The following OSGEPL1 variants were observed in gnomAD, a reference collection of about 807,000 sequenced individuals.
OSGEPL1 encodes tRNA N6-adenosine threonylcarbamoyltransferase, mitochondrial.
In OSGEPL1, 26 loss-of-function variants were observed where a neutral mutation model predicts 37.2. The observed-to-expected ratio is 0.70, with a 90% CI of 0.51 to 0.97. The LOEUF is 0.97. Among genes scored for constraint, OSGEPL1 ranks in the 50% least tolerant of loss-of-function variants. OSGEPL1 has a pLI of 0.00. For missense variants in OSGEPL1, 404 were observed against 487.0 expected (o/e 0.83, Z 1.60); for synonymous variants, 140 against 159.9 (o/e 0.88, Z 0.94).
At position 189,755,385 on chromosome 2, in the gene OSGEPL1, G is replaced by A. The variant is rs1006444007; in HGVS notation, c.397C>T (p.Gln133Ter). ...GGCTTTTTTAACTGTCCTACCAGCT[G>A]TAAGCTAAATGATAAGCCCACTCCC... ...SLGVGLSFSL[Q>*]LVGQLKKPFI... The change falls in exon 3 of 9, where the codon CAG becomes TAG. Residue 133 changes from glutamine (Q) to a stop codon, truncating the protein, a stop_gained. Coordinates refer to ENST00000264151, the MANE Select transcript of OSGEPL1 (RefSeq NM_022353.3). LOFTEE classifies it high-confidence loss of function. 3.7e-6 allele frequency: 6 copies of A among 1,613,168 alleles called. No individual in the cohort carries two copies. The Admixed American group carries it at 8.4e-5, about 22-fold the overall frequency.
At chr2:189,757,986 A>G (rs768233422) in intron 2 of OSGEPL1, among the ~76,000 whole-genome samples, 10 of 152,180 alleles carry the variant, frequency 6.6e-5, no homozygotes, top group Admixed American at 2.0e-4. Flanking sequence ...GTAATTCCCA[A>G]TGTTGAAGAT....
At chr2:189,756,343 T>C (rs2046082250) in intron 2 of OSGEPL1, among the ~76,000 whole-genome samples, 1 of 152,130 alleles carries the variant, frequency 6.6e-6, no homozygotes, top group African/African-American at 2.4e-5. Context: ...TTTGCTACCA[T>C]GTGATTGATT....
At chr2:189,756,409 CA>C (rs748617119) in intron 2 of OSGEPL1, among the ~76,000 whole-genome samples, 1 of 150,578 alleles carries the variant, frequency 6.6e-6, no homozygotes, top group Admixed American at 6.6e-5. Context: ...CTGCTAGTTT[CA>C]AAAAAAAATC....
intron 7 of OSGEPL1, among the ~76,000 whole-genome samples, chr2:189,751,823 T>A (rs1462375619): frequency 7.6e-5 from 1 of 13,152 alleles, no homozygotes; most frequent in Non-Finnish European, 2.1e-4. Context: ...TCTTTTACTA[T>A]TCCAGAATTA....
At position 189,762,714 on chromosome 2, in the gene OSGEPL1, T is replaced by C. The variant is rs940407854; in HGVS notation, c.-50A>G. ...CACTTGGGCGGCAGTAGCTAGCACT[T>C]GTCTCCTTTCCCTACTAAAGACTGT... On this transcript the variant is annotated 5_prime_UTR_variant, in exon 1 of 9. Coordinates refer to ENST00000264151, the MANE Select transcript of OSGEPL1 (RefSeq NM_022353.3). 7 of 985,268 alleles carry C rather than the reference T, an allele frequency of 7.1e-6. No homozygotes were observed. Among genetic ancestry groups the C allele is most frequent in the African/African-American group, 1.7e-5 (1 of 57,204 alleles). 61.0% of individuals were successfully genotyped at this position (985,268 alleles called of 1,614,324 possible).
At chr2:189,752,504 C>G (rs2045424289) in intron 7 of OSGEPL1, 149 bp downstream of exon 7, 16 of 719,498 alleles carry the variant, frequency 2.2e-5, no homozygotes, top group Non-Finnish European at 3.4e-5. Context: ...CATATGGTAT[C>G]AACCTTAACT....
chr2:189,754,310 C>T lies in OSGEPL1; in HGVS notation c.645G>A (p.Glu215=). The T allele has an allele frequency of 3.1e-6, 5 of 1,611,158 alleles. No homozygotes were observed. The highest frequency in any genetic ancestry group is 2.2e-5 in the East Asian group (1 of 44,838). ...CTTTCCCACCACTCATGGTGGAGCA[C>T]TCTGGATGTTTTATTAAAGAAAGTC... is the stretch of plus-strand genomic sequence containing the variant. ...ARRLSLIKHP[E]CSTMSGGKAI... The change falls in exon 4 of 9, where the codon GAG becomes GAA. Residue 215 remains glutamate, a synonymous_variant. Coordinates refer to ENST00000264151, the MANE Select transcript of OSGEPL1 (RefSeq NM_022353.3).
At chr2:189,753,214 T>C (rs1385547641) in intron 5 of OSGEPL1, 5 of 269,840 alleles carry the variant, frequency 1.9e-5, no homozygotes, top group Non-Finnish European at 2.8e-5. Context: ...CAACCTTTCA[T>C]CTAAATATTT....
chr2:189,751,602 G>A (rs1364263246), intron 7 of OSGEPL1, among the ~76,000 whole-genome samples: 1 of 151,312 alleles, frequency 6.6e-6, no homozygotes, highest in African/African-American at 2.4e-5. Flanking sequence ...CTGCCACTAC[G>A]CCTGGCTAAT....
At position 189,755,542 on chromosome 2, in the gene OSGEPL1, AG is replaced by A. The variant is rs1201580778; in HGVS notation, c.239del (p.Pro80LeufsTer15). On this transcript the variant is annotated frameshift_variant, in exon 3 of 9. Transcript: ENST00000264151. LOFTEE classifies it high-confidence loss of function. ...CTCTGTGAAGCTGTTGAGCTGCTGG[AG>A]GAACAATCCCACCTGTTCTGAAAGA... ...EVHLKTGGIV[P>X]PAAQQLHREN... The A allele has an allele frequency of 1.3e-6, 2 of 1,598,956 alleles. No homozygotes were observed. The highest frequency in any genetic ancestry group is 3.6e-5 in the Admixed American group (2 of 54,908).
At chr2:189,754,501 A>C in intron 3 of OSGEPL1, 156 bp from the exon 4 acceptor site, 1 of 664,380 alleles carries the variant, frequency 1.5e-6, no homozygotes, top group Non-Finnish European at 2.5e-6. Flanking sequence ...GCTGATATTC[A>C]GGTAAGCAGA....
upstream of OSGEPL1, chr2:189,762,905 C>G: frequency 1.0e-6 from 1 of 985,390 alleles, no homozygotes; most frequent in African/African-American, 1.7e-5. Flanking sequence ...GCTCTCTGTG[C>G]GCACCTGCAT....
chr2:189,752,541 T>C, intron 7 of OSGEPL1, 112 bp downstream of exon 7: 1 of 990,552 alleles, frequency 1.0e-6, no homozygotes, highest in South Asian at 1.5e-5. Flanking sequence ...TTTATGTAAC[T>C]TTCCTTCAAG....
At chr2:189,748,543 A>G (rs1391328758) in intron 8 of OSGEPL1, among the ~76,000 whole-genome samples, 1 of 152,118 alleles carries the variant, frequency 6.6e-6, no homozygotes, top group Non-Finnish European at 1.5e-5. Context: ...AAAATAAGAG[A>G]CCTCTTTAAT....
In OSGEPL1 at chr2:189,750,678, C is replaced by T. The variant is rs373631423; in HGVS notation, c.1167-22G>A. ...ACATCTACATCATAAGCAGACAAATCGTATTATTTATTTGCTTCATGATCC... is the reference window on the plus strand; with the variant it reads ...ACATCTACATCATAAGCAGACAAATTGTATTATTTATTTGCTTCATGATCC... On this transcript the variant is annotated intron_variant, in intron 7 of 8. Coordinates refer to ENST00000264151, the MANE Select transcript of OSGEPL1 (RefSeq NM_022353.3). The T allele has an allele frequency of 5.3e-5, 81 of 1,541,842 alleles. No individual in the cohort carries two copies. The Admixed American group carries it at 7.3e-4, about 14-fold the overall frequency.
chr2:189,752,528 A>T, intron 7 of OSGEPL1, 125 bp downstream of exon 7: 2 of 882,156 alleles, frequency 2.3e-6, no homozygotes, highest in East Asian at 2.5e-5. Context: ...TTCATGAAAG[A>T]AATTTATGTA....
chr2:189,757,212 A>C (rs1230429549), intron 2 of OSGEPL1, among the ~76,000 whole-genome samples: 1 of 152,224 alleles, frequency 6.6e-6, no homozygotes, highest in Admixed American at 6.5e-5. Context: ...GAACTCAGTC[A>C]GTGAGAAGGG....
At position 189,760,506 on chromosome 2, in the gene OSGEPL1, T is replaced by G. The variant is rs543478603; in HGVS notation, c.221+914A>C. On this transcript the variant is annotated intron_variant, in intron 2 of 8. Transcript: ENST00000264151. ...TCTGCAAATACATTAACAATCTGGA[T>G]TTCCAGCCCGGCGCGGTGTCTCACG... Among the ~76,000 whole-genome samples the G allele has an allele frequency of 5.3e-5, 8 of 152,262 alleles. No individual in the cohort carries two copies. The East Asian group carries it at 1.4e-3, about 26-fold the overall frequency.
chr2:189,761,025 T>TATG (rs2046974711), intron 2 of OSGEPL1: 1 of 47,696 alleles, frequency 2.1e-5, no homozygotes, highest in African/African-American at 1.3e-4. Flanking sequence ...TACAACAGTG[T>TATG]ATTATTATTT....
Sources: allele counts gnomAD v4.1 joint callset (sites outside exome capture counted in the v4.1 genomes callset), GRCh38; gene constraint gnomAD v4.1.1; transcripts MANE v1.5; gene names NCBI Gene and HGNC (gene_info 2026-07-23, HGNC 2026-07-21).